ATP9B: variants seen among roughly 807,000 people sequenced by gnomAD.
ATP9B encodes probable phospholipid-transporting ATPase IIB.
A neutral mutation model predicts 146.1 loss-of-function variants in ATP9B; 110 were observed. That is an observed-to-expected ratio of 0.75 (90% CI 0.65 to 0.88). The LOEUF (loss-of-function observed/expected upper bound fraction) is 0.88, where lower values mean the gene tolerates loss of function less well. Among genes scored for constraint, ATP9B ranks in the 40% least tolerant of loss-of-function variants. The probability of loss-of-function intolerance (pLI) is 0.00; values close to 1 mark genes in which losing one functional copy is unlikely to be tolerated. For synonymous variants in ATP9B, 604 were observed against 569.7 expected (o/e 1.06, Z -0.86); for missense variants, 1,499 against 1,496.4 (o/e 1.00, Z -0.03).
chr18:79,176,030 A>G (rs768606894), intron 7 of ATP9B, among the ~76,000 whole-genome samples: 5 of 152,170 alleles, frequency 3.3e-5, no homozygotes, highest in Non-Finnish European at 7.3e-5. Flanking sequence ...CACAATCTAT[A>G]TCCTAGAGAT....
chr18:79,286,098 C>G (rs1300542309), intron 13 of ATP9B, among the ~76,000 whole-genome samples: 13 of 147,894 alleles, frequency 8.8e-5, no homozygotes, highest in East Asian at 4.0e-4. Context: ...CTTGGCGATG[C>G]GGGCTCTTTT....
intron 9 of ATP9B, among the ~76,000 whole-genome samples, chr18:79,206,450 G>A (rs776155117): frequency 6.6e-6 from 1 of 152,016 alleles, no homozygotes; most frequent in Non-Finnish European, 1.5e-5. Context: ...GGTTATTTCT[G>A]TGCTAATATT....
chr18:79,244,237 G>A (rs1233419282), intron 11 of ATP9B, among the ~76,000 whole-genome samples: 1 of 151,298 alleles, frequency 6.6e-6, no homozygotes, highest in Non-Finnish European at 1.5e-5. Context: ...GTGCCTGTCT[G>A]CTGGGCCACC....
At chr18:79,297,080 G>A (rs1168654399) in intron 13 of ATP9B, among the ~76,000 whole-genome samples, 1 of 150,714 alleles carries the variant, frequency 6.6e-6, no homozygotes, top group Non-Finnish European at 1.5e-5. Context: ...ATGACCCAGA[G>A]AGGAGACACA....
chr18:79,118,390 G>GTTTTTTTTTTTTTTTT (rs752788043), intron 4 of ATP9B, among the ~76,000 whole-genome samples: 2 of 93,238 alleles, frequency 2.1e-5, no homozygotes, highest in Non-Finnish European at 4.3e-5. Flanking sequence ...GAACGTTTTT[G>GTTTTTTTTTTTTTTTT]TTTTTTTTTT....
chr18:79,208,079 A>G (rs2095551278), intron 10 of ATP9B, among the ~76,000 whole-genome samples: 1 of 152,072 alleles, frequency 6.6e-6, no homozygotes, highest in Non-Finnish European at 1.5e-5. Context: ...CCCCGTCTCT[A>G]CTAAAAATAC....
chr18:79,284,503 T>C (rs1030361003), intron 13 of ATP9B, among the ~76,000 whole-genome samples: 3 of 152,266 alleles, frequency 2.0e-5, no homozygotes, highest in African/African-American at 7.2e-5. Flanking sequence ...TCATTGACTT[T>C]GAATATATTT....
chr18:79,234,008 A>G lies in ATP9B; in HGVS notation c.1108-19373A>G, dbSNP rs552158148. Reference sequence around the variant, plus strand: ...TTGAGTAGGCTGAGGAGGAGGAGGAAGGAGGATTGGTCTTGCTCCCTCCTT... The same window carrying G: ...TTGAGTAGGCTGAGGAGGAGGAGGAGGGAGGATTGGTCTTGCTCCCTCCTT... On this transcript the variant is annotated intron_variant, in intron 11 of 29. Coordinates refer to ENST00000426216, the MANE Select transcript of ATP9B (RefSeq NM_198531.5). 2.2e-4 allele frequency among the ~76,000 whole-genome samples: 34 copies of G among 152,250 alleles called. 1 individual carries two copies. The South Asian group carries it at 7.1e-3, about 32-fold the overall frequency.
At chr18:79,188,598 TAAAG>T (rs113282135) in intron 8 of ATP9B, among the ~76,000 whole-genome samples, 1 of 152,224 alleles carries the variant, frequency 6.6e-6, no homozygotes, top group African/African-American at 2.4e-5. Flanking sequence ...CATTAATAAA[TAAAG>T]AACATTACCT....
chr18:79,183,070 T>G (rs913525207), intron 8 of ATP9B, among the ~76,000 whole-genome samples: 4 of 152,222 alleles, frequency 2.6e-5, no homozygotes, highest in African/African-American at 9.6e-5. Flanking sequence ...CCTAGCCACA[T>G]TCTTGCATGG....
chr18:79,377,154 C>T lies in ATP9B; in HGVS notation c.3308-93C>T, dbSNP rs1600527961. The T allele has an allele frequency of 6.8e-6, 10 of 1,467,116 alleles. No individual in the cohort carries two copies. The East Asian group carries it at 6.8e-5, about 10-fold the overall frequency. 90.9% of individuals were successfully genotyped at this position (1,467,116 alleles called of 1,614,324 possible). Reference sequence around the variant, plus strand: ...TGATGTTTCCGTGGCAAGCTTAGACCGTCTGGTGGCCTGGCCAGGTCTGTG... The same window carrying T: ...TGATGTTTCCGTGGCAAGCTTAGACTGTCTGGTGGCCTGGCCAGGTCTGTG... On this transcript the variant is annotated intron_variant, in intron 29 of 29. Transcript: ENST00000426216.
intron 1 of ATP9B, among the ~76,000 whole-genome samples, chr18:79,073,740 C>T (rs969100674): frequency 6.6e-6 from 1 of 152,224 alleles, no homozygotes; most frequent in African/African-American, 2.4e-5. Context: ...TATTCTCAAT[C>T]TCATCCAGTG....
intron 29 of ATP9B, among the ~76,000 whole-genome samples, chr18:79,376,814 C>T (rs2097105889): frequency 6.6e-6 from 1 of 151,888 alleles, no homozygotes; most frequent in South Asian, 2.1e-4. Flanking sequence ...CCTGTCTCCA[C>T]CTCCCCGGTA....
chr18:79,190,746 A>G (rs2095358224), intron 8 of ATP9B, among the ~76,000 whole-genome samples: 2 of 152,208 alleles, frequency 1.3e-5, no homozygotes, highest in Non-Finnish European at 2.9e-5. Flanking sequence ...GAGTTTCTCC[A>G]TGAGGGCCAG....
At chr18:79,327,657 T>TG in intron 15 of ATP9B, among the ~76,000 whole-genome samples, 2 of 145,224 alleles carry the variant, frequency 1.4e-5, no homozygotes, top group Non-Finnish European at 3.0e-5. Flanking sequence ...ATGCTCTCCG[T>TG]GTTTAGCGTG....
chr18:79,175,586 T>A (rs985814392), intron 7 of ATP9B, among the ~76,000 whole-genome samples: 6 of 152,180 alleles, frequency 3.9e-5, no homozygotes, highest in African/African-American at 1.4e-4. Flanking sequence ...CACACAGATA[T>A]GCATGCATGC....
At chr18:79,267,512 T>C (rs1261481023) in intron 12 of ATP9B, among the ~76,000 whole-genome samples, 1 of 152,114 alleles carries the variant, frequency 6.6e-6, no homozygotes, top group Non-Finnish European at 1.5e-5. Flanking sequence ...TTTCTGTAAG[T>C]ACTACTTTGG....
intron 26 of ATP9B, among the ~76,000 whole-genome samples, chr18:79,369,669 C>T (rs1302866166): frequency 2.6e-5 from 4 of 152,204 alleles, no homozygotes; most frequent in East Asian, 1.9e-4. Flanking sequence ...TCCCATGCCA[C>T]GGTGCCGATC....
chr18:79,336,100 C>CCTCTGTGCCCTCCCTGG (rs1568732745), intron 17 of ATP9B, among the ~76,000 whole-genome samples: 2 of 140,522 alleles, frequency 1.4e-5, no homozygotes, highest in South Asian at 2.3e-4. Context: ...CCGTGTGCAC[C>CCTCTGTGCCCTCCCTGG]CACCATGCCC....
Sources: allele counts gnomAD v4.1 joint callset (sites outside exome capture counted in the v4.1 genomes callset), GRCh38; gene constraint gnomAD v4.1.1; transcripts MANE v1.5; gene names NCBI Gene and HGNC (gene_info 2026-07-23, HGNC 2026-07-21).